The following ZBBX variants were observed in gnomAD, a reference collection of about 807,000 sequenced individuals.
ZBBX encodes the protein zinc finger B-box domain containing, also known as zinc finger B-box domain-containing protein 1.
Under a neutral mutation model 108.5 loss-of-function variants are expected in ZBBX, and 101 were observed. The ratio of observed to expected loss-of-function variants is 0.93; its 90% CI spans 0.79 to 1.10. ZBBX has a LOEUF of 1.10. ZBBX is among the 50% of genes least tolerant of loss of function. The pLI, the probability that ZBBX is intolerant of heterozygous loss-of-function variation, is 0.00. For missense variants in ZBBX, 1,009 were observed against 941.4 expected (o/e 1.07, Z -0.94); for synonymous variants, 356 against 323.4 (o/e 1.10, Z -1.08).
At chr3:167,260,476 GT>G (rs898111081) in intron 20 of ZBBX, among the ~76,000 whole-genome samples, 24 of 152,042 alleles carry the variant, frequency 1.6e-4, no homozygotes, top group African/African-American at 5.8e-4. Flanking sequence ...TTATTCTTAG[GT>G]TTAGTTGTTT....
intron 8 of ZBBX, among the ~76,000 whole-genome samples, chr3:167,359,298 T>C (rs1744131352): frequency 6.6e-6 from 1 of 152,152 alleles, no homozygotes; most frequent in African/African-American, 2.4e-5. Flanking sequence ...GGGGACTGAT[T>C]GGAAAAGGCA....
intron 1 of ZBBX, among the ~76,000 whole-genome samples, chr3:167,405,459 A>G (rs763116984): frequency 1.3e-5 from 2 of 152,218 alleles, no homozygotes; most frequent in Non-Finnish European, 2.9e-5. Context: ...TCGAAGCGAG[A>G]TAAGTGGTAC....
intron 1 of ZBBX, among the ~76,000 whole-genome samples, chr3:167,407,564 C>T (rs531677802): frequency 6.6e-6 from 1 of 152,008 alleles, no homozygotes; most frequent in African/African-American, 2.4e-5. Context: ...TGTCAATTAA[C>T]ACGTTTTTTA....
In ZBBX at chr3:167,372,701, CA is replaced by C. The variant is rs1412269016; in HGVS notation, c.68+132del. ...AAACTATTATAGATTTATAGTATTT[CA>C]AAGCTATATTCTTATAGATAAAAAT... On this transcript the variant is annotated intron_variant, in intron 4 of 21. Coordinates refer to ENST00000675490, the MANE Select transcript of ZBBX (RefSeq NM_001199201.2). The C allele has an allele frequency of 1.1e-4, 58 of 509,718 alleles. No individual in the cohort carries two copies. The East Asian group carries it at 1.8e-3, about 16-fold the overall frequency. The allele number at this position is 509,718 out of a possible 1,614,324, so 31.6% of individuals were successfully genotyped here. A position where few individuals can be genotyped will look rare whatever the true frequency, so the allele number is the denominator to read the frequency against.
At position 167,316,988 on chromosome 3, in the gene ZBBX, T is replaced by C. The variant is rs77679531; in HGVS notation, c.1194+17A>G. The C allele has an allele frequency of 6.0e-3, 8,697 of 1,445,956 alleles. 148 individuals are homozygous for C. The highest frequency in any genetic ancestry group is 0.048 in the East Asian group (2,095 of 43,246). 89.6% of individuals were successfully genotyped at this position (1,445,956 alleles called of 1,614,324 possible). On this transcript the variant is annotated intron_variant, in intron 14 of 21. Coordinates refer to ENST00000675490, the MANE Select transcript of ZBBX (RefSeq NM_001199201.2). Reference sequence around the variant, plus strand: ...TGTTAAAAATCATGAATGGTCATTATGCACTTATGCACTTACATCATCCAG... The same window carrying C: ...TGTTAAAAATCATGAATGGTCATTACGCACTTATGCACTTACATCATCCAG...
intron 20 of ZBBX, among the ~76,000 whole-genome samples, chr3:167,242,940 C>A (rs893112267): frequency 1.3e-5 from 2 of 151,930 alleles, no homozygotes; most frequent in African/African-American, 4.8e-5. Context: ...ATCAAATGAC[C>A]CCCTTTAAAG....
At chr3:167,298,554 T>G (rs1732067317) in intron 17 of ZBBX, 96 bp from the exon 18 acceptor site, 1 of 926,464 alleles carries the variant, frequency 1.1e-6, no homozygotes, top group African/African-American at 1.7e-5. Flanking sequence ...CTGATATACT[T>G]GGCACAAATT....
chr3:167,307,653 T>C (rs7641870), intron 16 of ZBBX, among the ~76,000 whole-genome samples: 50 of 151,750 alleles, frequency 3.3e-4, no homozygotes, highest in African/African-American at 1.2e-3. Flanking sequence ...ACCCAGAAAA[T>C]AGACCACACA....
At chr3:167,248,779 G>C in intron 20 of ZBBX, 1 of 380,892 alleles carries the variant, frequency 2.6e-6, no homozygotes, top group Non-Finnish European at 5.3e-6. Flanking sequence ...GCATAAACAG[G>C]CTCAGGAAAC....
rs570515843 is a variant in ZBBX at position 167,341,328 on chromosome 3, C to A, written c.529-7343G>T. 7.9e-5 allele frequency among the ~76,000 whole-genome samples: 12 copies of A among 151,806 alleles called. No individual in the cohort carries two copies. In the South Asian group the frequency reaches 2.5e-3, roughly 32 times the overall value. ...AGTACTTTATAAAATAACATGAAAT[C>A]TGGACTCAGTTTGGACTCAATATTT... On this transcript the variant is annotated intron_variant, in intron 9 of 21. Coordinates refer to ENST00000675490, the MANE Select transcript of ZBBX (RefSeq NM_001199201.2).
intron 10 of ZBBX, among the ~76,000 whole-genome samples, chr3:167,331,201 C>T (rs1738568177): frequency 6.6e-6 from 1 of 151,886 alleles, no homozygotes; most frequent in African/African-American, 2.4e-5. Context: ...AGGTAACCAA[C>T]TGAATGTGCA....
At chr3:167,317,239 T>C in intron 13 of ZBBX, 134 bp from the exon 14 acceptor site, 1 of 675,952 alleles carries the variant, frequency 1.5e-6, no homozygotes, top group Non-Finnish European at 2.4e-6. Flanking sequence ...CTGTCAATTT[T>C]CCCAGTTCAA....
chr3:167,256,595 TCCACCCCACCCCACCCCACC>T (rs1278347370), intron 20 of ZBBX, among the ~76,000 whole-genome samples: 1 of 132,304 alleles, frequency 7.6e-6, no homozygotes, highest in African/African-American at 2.8e-5. Flanking sequence ...CCATCCCACC[TCCACCCCACCCCACCCCACC>T]CCACCCCACT....
chr3:167,302,513 A>T (rs1282269467), intron 17 of ZBBX, among the ~76,000 whole-genome samples: 1 of 151,886 alleles, frequency 6.6e-6, no homozygotes, highest in Non-Finnish European at 1.5e-5. Context: ...TGTTTTAAGC[A>T]GGTTTCTGGT....
the ZBBX span, among the ~76,000 whole-genome samples, chr3:167,229,199 T>C: frequency 6.6e-6 from 1 of 151,792 alleles, no homozygotes; most frequent in Non-Finnish European, 1.5e-5. Flanking sequence ...ATTTGAGCTA[T>C]TTCTGCTACG....
intron 1 of ZBBX, among the ~76,000 whole-genome samples, chr3:167,386,172 A>G (rs73169194): frequency 6.6e-6 from 1 of 152,018 alleles, no homozygotes; most frequent in Non-Finnish European, 1.5e-5. Flanking sequence ...AAAATAAAGG[A>G]TGGAAGTAGA....
intron 11 of ZBBX, among the ~76,000 whole-genome samples, chr3:167,326,221 T>G (rs1329844528): frequency 6.6e-6 from 1 of 152,188 alleles, no homozygotes. Flanking sequence ...TATCTCTATT[T>G]AGATGGCCAG....
chr3:167,221,296 A>G, the ZBBX span, among the ~76,000 whole-genome samples: 6 of 151,784 alleles, frequency 4.0e-5, no homozygotes, highest in Admixed American at 3.3e-4. Flanking sequence ...AAAAAACAGC[A>G]TGGTAATGGC....
intron 20 of ZBBX, among the ~76,000 whole-genome samples, chr3:167,251,845 C>T (rs574092569): frequency 2.0e-5 from 3 of 152,102 alleles, no homozygotes; most frequent in African/African-American, 4.8e-5. Context: ...TCAAACCACA[C>T]GCCCTGACAG....
Sources: allele counts gnomAD v4.1 joint callset (sites outside exome capture counted in the v4.1 genomes callset), GRCh38; gene constraint gnomAD v4.1.1; transcripts MANE v1.5; gene names NCBI Gene and HGNC (gene_info 2026-07-23, HGNC 2026-07-21).